Variants in SCNN1B observed in about 807,000 individuals in gnomAD.
SCNN1B encodes sodium channel epithelial 1 subunit beta.
Under a neutral mutation model 65.3 loss-of-function variants are expected in SCNN1B, and 46 were observed. That is an observed-to-expected ratio of 0.70 (90% CI 0.56 to 0.90). SCNN1B has a LOEUF of 0.90. Ranked by LOEUF, SCNN1B falls within the 40% of genes least tolerant of loss-of-function variation. The pLI is 0.00. For synonymous variants in SCNN1B, 349 were observed against 330.6 expected (o/e 1.06, Z -0.60); for missense variants, 751 against 830.5 (o/e 0.90, Z 1.18).
At chr16:23,343,528 GAAA>G in intron 1 of SCNN1B, among the ~76,000 whole-genome samples, 1 of 116,758 alleles carries the variant, frequency 8.6e-6, no homozygotes, top group African/African-American at 3.4e-5. Flanking sequence ...AAGGAAGGAA[GAAA>G]GAGGGAGGGA....
chr16:23,378,746 G>A lies in SCNN1B; in HGVS notation c.1445G>A (p.Ser482Asn). 1.9e-6 allele frequency: 3 copies of A among 1,614,146 alleles called. No homozygotes were observed. The African/African-American group carries it at 4.0e-5, about 22-fold the overall frequency. ...GTCTTGTCTCAGGAGCGGGACCAAAGCACCAATATCACCCTGAGCAGGTGA... is the reference window on the plus strand; with the variant it reads ...GTCTTGTCTCAGGAGCGGGACCAAAACACCAATATCACCCTGAGCAGGTGA... ...FHVLSQERDQSTNITLSRKGI... is the reference protein window; with the variant it reads ...FHVLSQERDQNTNITLSRKGI... Residue 482 changes from serine to asparagine, a missense_variant, in exon 11 of 13, where the codon AGC becomes AAC. Ser to Asn is a conservative substitution (Grantham distance 46). Transcript: ENST00000343070.
intron 1 of SCNN1B, among the ~76,000 whole-genome samples, chr16:23,280,142 G>A (rs367854286): frequency 6.6e-6 from 1 of 152,164 alleles, no homozygotes; most frequent in Non-Finnish European, 1.5e-5. Flanking sequence ...CCAGCACTCC[G>A]CCAGGGGCTT....
At chr16:23,336,739 G>A (rs1961951212) in intron 1 of SCNN1B, among the ~76,000 whole-genome samples, 1 of 152,056 alleles carries the variant, frequency 6.6e-6, no homozygotes, top group Non-Finnish European at 1.5e-5. Flanking sequence ...ATGTTCATGT[G>A]TATTAGGAAA....
At chr16:23,336,148 C>T (rs1300649748) in intron 1 of SCNN1B, among the ~76,000 whole-genome samples, 1 of 152,162 alleles carries the variant, frequency 6.6e-6, no homozygotes. Flanking sequence ...CAGACCTGCC[C>T]TTTGACTCAC....
intron 5 of SCNN1B, among the ~76,000 whole-genome samples, chr16:23,370,647 T>G (rs569509688): frequency 6.6e-6 from 1 of 152,172 alleles, no homozygotes; most frequent in South Asian, 2.1e-4. Context: ...GCTAGGAAAG[T>G]GTACAACCAA....
upstream of SCNN1B, among the ~76,000 whole-genome samples, chr16:23,300,370 AG>A (rs1380826207): frequency 1.3e-5 from 2 of 152,064 alleles, no homozygotes; most frequent in Admixed American, 6.6e-5. Context: ...TGAAAAAAAA[AG>A]CAATGGTGGG....
In SCNN1B at chr16:23,376,934, G is replaced by A. The variant is rs168748; in HGVS notation, c.1271-231G>A. Reference sequence around the variant, plus strand: ...CCACCAGGCAGGGATGGGGATGGCCGGCAAAGGGAAAGCTGCTGGGACCCC... The same window carrying A: ...CCACCAGGCAGGGATGGGGATGGCCAGCAAAGGGAAAGCTGCTGGGACCCC... On this transcript the variant is annotated intron_variant, in intron 8 of 12. Transcript: ENST00000343070. Among the ~76,000 whole-genome samples, 69,583 of 151,948 alleles carry A rather than the reference G, an allele frequency of 0.46. 16,917 individuals are homozygous for A. Among genetic ancestry groups the A allele is most frequent in the Admixed American group, 0.59 (9,014 of 15,282 alleles).
At chr16:23,309,463 T>A (rs1030237671) in intron 1 of SCNN1B, among the ~76,000 whole-genome samples, 7 of 146,772 alleles carry the variant, frequency 4.8e-5, no homozygotes, top group African/African-American at 1.8e-4. Flanking sequence ...TAAAGAGGAG[T>A]TTATTAAATA....
rs147389302 is a variant in SCNN1B, at chr16:23,361,272, A to C, written c.776+5783A>C. Reference sequence around the variant, plus strand: ...AGGAATAGTTTTAGATTTACAGAAAAACCACAGCCTCCAACTCCTGGACTC... The same window carrying C: ...AGGAATAGTTTTAGATTTACAGAAACACCACAGCCTCCAACTCCTGGACTC... On this transcript the variant is annotated intron_variant, in intron 4 of 12. Transcript: ENST00000343070. 2.0e-3 allele frequency among the ~76,000 whole-genome samples: 310 copies of C among 152,184 alleles called. 2 individuals carry two copies. The highest frequency in any genetic ancestry group is 2.9e-3 in the Non-Finnish European group (195 of 68,002).
At chr16:23,285,427 C>T (rs1960836277) in intron 2 of SCNN1B, among the ~76,000 whole-genome samples, 1 of 152,074 alleles carries the variant, frequency 6.6e-6, no homozygotes, top group African/African-American at 2.4e-5. Flanking sequence ...CTGCCTCAGG[C>T]TCCCAAAGTG....
At chr16:23,364,717 G>A (rs1043020384) in intron 4 of SCNN1B, among the ~76,000 whole-genome samples, 4 of 152,172 alleles carry the variant, frequency 2.6e-5, no homozygotes, top group Non-Finnish European at 4.4e-5. Context: ...GGAGCCTGGC[G>A]TGGTGGCTCA....
chr16:23,357,903 C>T (rs191808821), intron 4 of SCNN1B, among the ~76,000 whole-genome samples: 1 of 152,338 alleles, frequency 6.6e-6, no homozygotes, highest in Admixed American at 6.5e-5. Flanking sequence ...ACTGTAATGT[C>T]CACAAGCACA....
chr16:23,302,881 G>A (rs1047547213), intron 1 of SCNN1B, among the ~76,000 whole-genome samples: 3 of 152,168 alleles, frequency 2.0e-5, no homozygotes, highest in Non-Finnish European at 4.4e-5. Flanking sequence ...TTCTCTTGCT[G>A]TCCCCATTTT....
At chr16:23,378,559 C>G in intron 10 of SCNN1B, 147 bp from the exon 11 acceptor site, 1 of 748,842 alleles carries the variant, frequency 1.3e-6, no homozygotes, top group South Asian at 1.5e-5. Flanking sequence ...CCACTACGAC[C>G]TTCCTCCTGC....
intron 1 of SCNN1B, among the ~76,000 whole-genome samples, chr16:23,321,707 G>C (rs543273839): frequency 7.8e-4 from 119 of 152,244 alleles, no homozygotes; most frequent in African/African-American, 2.8e-3. Context: ...CTCCGCGGAC[G>C]GTGGCTGCTA....
chr16:23,287,816 T>C (rs1960871353), intron 2 of SCNN1B, among the ~76,000 whole-genome samples: 1 of 151,602 alleles, frequency 6.6e-6, no homozygotes, highest in Non-Finnish European at 1.5e-5. Context: ...GTTTCCTTTT[T>C]TTTTTTTTTA....
chr16:23,302,367 G>T lies in SCNN1B; in HGVS notation c.-79G>T. On this transcript the variant is annotated 5_prime_UTR_variant, in exon 1 of 13. Transcript: ENST00000343070. ...AACACTCGGCCGCCGCCGCCAGCTT[G>T]GCGCGCACCGCCGCCTCCGCCACCG... The T allele has an allele frequency of 1.9e-5, 3 of 160,752 alleles. No individual in the cohort carries two copies. The South Asian group carries it at 5.3e-4, about 28-fold the overall frequency. The allele number at this position is 160,752 out of a possible 1,614,324, so 10.0% of individuals were successfully genotyped here.
At chr16:23,315,405 C>A (rs1480745460) in intron 1 of SCNN1B, among the ~76,000 whole-genome samples, 1 of 152,042 alleles carries the variant, frequency 6.6e-6, no homozygotes, top group Admixed American at 6.6e-5. Flanking sequence ...TGGTGTTTGG[C>A]AAATAACATG....
Position 23,367,545 on chromosome 16 carries a change from G to A in SCNN1B, c.777-311G>A, listed in dbSNP as rs1873999. ...ACTCCTGGCCTCAAGCGGTCCTCCC[G>A]CCTCAGCCTTCCAAAGTGCTAGGAT... On this transcript the variant is annotated intron_variant, in intron 4 of 12. Transcript: ENST00000343070. 0.25 allele frequency among the ~76,000 whole-genome samples: 37,654 copies of A among 152,142 alleles called. 4,809 individuals are homozygous for A. Among genetic ancestry groups the A allele is most frequent in the East Asian group, 0.36 (1,876 of 5,158 alleles).
Sources: allele counts gnomAD v4.1 joint callset (sites outside exome capture counted in the v4.1 genomes callset), GRCh38; gene constraint gnomAD v4.1.1; transcripts MANE v1.5; gene names NCBI Gene and HGNC (gene_info 2026-07-23, HGNC 2026-07-21).